Variants in DPH6 observed in about 807,000 individuals in gnomAD.
DPH6 encodes diphthine--ammonia ligase.
In DPH6, 33 loss-of-function variants were observed where a neutral mutation model predicts 38.2. The ratio of observed to expected loss-of-function variants is 0.86; its 90% CI spans 0.65 to 1.15. The LOEUF (loss-of-function observed/expected upper bound fraction) is 1.15. Among genes scored for constraint, DPH6 ranks in the 50% most tolerant of loss-of-function variants. The pLI is 0.00. For missense variants in DPH6, 325 were observed against 320.0 expected (o/e 1.02, Z -0.12); for synonymous variants, 108 against 103.0 (o/e 1.05, Z -0.30).
the DPH6 span, among the ~76,000 whole-genome samples, chr15:35,151,476 T>C: frequency 6.6e-6 from 1 of 152,260 alleles, no homozygotes; most frequent in Non-Finnish European, 1.5e-5. Context: ...TTAACACTGA[T>C]GAGAAATAAA....
chr15:35,184,437 C>A, the DPH6 span, among the ~76,000 whole-genome samples: 1 of 152,116 alleles, frequency 6.6e-6, no homozygotes, highest in Non-Finnish European at 1.5e-5. Context: ...GGATTGGCCT[C>A]AAAGCCTGTA....
chr15:35,213,924 A>G (rs1235618047), downstream of DPH6, among the ~76,000 whole-genome samples: 2 of 152,198 alleles, frequency 1.3e-5, no homozygotes, highest in African/African-American at 2.4e-5. Flanking sequence ...CATCCTGGCT[A>G]ACACGGTGAA....
chr15:35,419,146 G>A (rs1401372230), intron 5 of DPH6, among the ~76,000 whole-genome samples: 1 of 151,402 alleles, frequency 6.6e-6, no homozygotes, highest in Non-Finnish European at 1.5e-5. Context: ...AACAGAACAA[G>A]TAGATACCAT....
chr15:35,379,187 ATGATTACAT>A (rs2052828020), intron 7 of DPH6, among the ~76,000 whole-genome samples: 1 of 152,170 alleles, frequency 6.6e-6, no homozygotes, highest in Non-Finnish European at 1.5e-5. Flanking sequence ...AAGGATCCTC[ATGATTACAT>A]TGGCCCACAT....
intron 6 of DPH6, among the ~76,000 whole-genome samples, chr15:35,404,478 A>T (rs1326135731): frequency 5.9e-5 from 9 of 152,126 alleles, no homozygotes; most frequent in Non-Finnish European, 1.3e-4. Context: ...GTGATCAATG[A>T]TGTTGAACAC....
chr15:35,522,344 G>A (rs2054934639), intron 3 of DPH6: 2 of 1,514,044 alleles, frequency 1.3e-6, no homozygotes, highest in African/African-American at 1.4e-5. Context: ...AAAGCCCTGA[G>A]GCTGGATTAC....
intron 3 of DPH6, among the ~76,000 whole-genome samples, chr15:35,258,727 A>C (rs1423102326): frequency 1.3e-5 from 2 of 152,136 alleles, no homozygotes; most frequent in Admixed American, 6.5e-5. Flanking sequence ...TCCTTTATAA[A>C]GTTTCCTAAG....
At chr15:35,490,208 AAAGG>A in intron 3 of DPH6, 8 of 985,082 alleles carry the variant, frequency 8.1e-6, no homozygotes, top group Non-Finnish European at 9.6e-6. Context: ...CTAAAGGAAG[AAAGG>A]AAGGAAGGAA....
At chr15:35,466,788 A>C (rs1461789372) in intron 3 of DPH6, among the ~76,000 whole-genome samples, 1 of 152,210 alleles carries the variant, frequency 6.6e-6, no homozygotes, top group Non-Finnish European at 1.5e-5. Flanking sequence ...TACTATACTG[A>C]ATACTGTAGG....
chr15:35,391,860 G>C (rs1020375988), intron 6 of DPH6, among the ~76,000 whole-genome samples: 14 of 152,294 alleles, frequency 9.2e-5, no homozygotes, highest in African/African-American at 3.1e-4. Flanking sequence ...TGCACCCGCT[G>C]TCCGGCACTC....
chr15:35,367,659 T>C (rs547266951), downstream of DPH6, among the ~76,000 whole-genome samples: 56 of 151,950 alleles, frequency 3.7e-4, 1 homozygote, highest in Admixed American at 3.5e-3. Flanking sequence ...TTAGTTGATA[T>C]CATTTTTACA....
intron 3 of DPH6, chr15:35,299,508 A>G (rs2052039941): frequency 2.9e-6 from 2 of 686,394 alleles, no homozygotes; most frequent in Admixed American, 4.1e-5. Context: ...GGCAGCGCGG[A>G]GCCGGGGAGG....
At chr15:35,202,927 A>C in the DPH6 span, among the ~76,000 whole-genome samples, 5 of 151,752 alleles carry the variant, frequency 3.3e-5, no homozygotes, top group African/African-American at 1.2e-4. Context: ...GAGAGGCGCT[A>C]ATATACCTGA....
chr15:35,322,097 T>C (rs939755853), intron 3 of DPH6, among the ~76,000 whole-genome samples: 1 of 152,178 alleles, frequency 6.6e-6, no homozygotes, highest in Admixed American at 6.5e-5. Flanking sequence ...TCATAAGTCA[T>C]GGGTCCACGT....
the DPH6 span, among the ~76,000 whole-genome samples, chr15:35,171,425 T>C: frequency 6.6e-6 from 1 of 152,194 alleles, no homozygotes; most frequent in Non-Finnish European, 1.5e-5. Context: ...TAAGTACATA[T>C]TTAGTAAATT....
intron 5 of DPH6, among the ~76,000 whole-genome samples, chr15:35,413,078 T>TG (rs2053389599): frequency 6.6e-6 from 1 of 151,548 alleles, no homozygotes; most frequent in Admixed American, 6.6e-5. Flanking sequence ...TCATGCGGTA[T>TG]GGGGTCAGGG....
intron 3 of DPH6, among the ~76,000 whole-genome samples, chr15:35,258,535 T>C (rs1455477053): frequency 3.9e-5 from 6 of 152,222 alleles, no homozygotes; most frequent in African/African-American, 1.4e-4. Flanking sequence ...GGTTAAATAC[T>C]AGCTACAGGT....
At chr15:35,269,593 C>T (rs145864550) in intron 3 of DPH6, among the ~76,000 whole-genome samples, 43 of 151,530 alleles carry the variant, frequency 2.8e-4, no homozygotes, top group African/African-American at 7.7e-4. Context: ...CCCGCCAACA[C>T]GCCCGGCTAA....
At chr15:35,434,532 C>T (rs555669577) in intron 5 of DPH6, among the ~76,000 whole-genome samples, 3 of 151,984 alleles carry the variant, frequency 2.0e-5, no homozygotes, top group Admixed American at 6.5e-5. Flanking sequence ...CTTTTTAAGA[C>T]AAAGATTGGG....
Sources: allele counts gnomAD v4.1 joint callset (sites outside exome capture counted in the v4.1 genomes callset), GRCh38; gene constraint gnomAD v4.1.1; transcripts MANE v1.5; gene names NCBI Gene and HGNC (gene_info 2026-07-23, HGNC 2026-07-21).